Variants in HERC3 observed in about 807,000 individuals in gnomAD.
HERC3 encodes the protein HECT and RLD domain containing E3 ubiquitin protein ligase 3.
A neutral mutation model predicts 129.9 loss-of-function variants in HERC3; 58 were observed. The ratio of observed to expected loss-of-function variants is 0.45; its 90% CI spans 0.36 to 0.56. HERC3 has a LOEUF of 0.56. Among genes scored for constraint, HERC3 ranks in the 20% least tolerant of loss-of-function variants. The pLI is 0.00. For synonymous variants in HERC3, 430 were observed against 451.0 expected (o/e 0.95, Z 0.59); for missense variants, 835 against 1,244.2 (o/e 0.67, Z 4.95).
Position 88,704,515 on chromosome 4 carries a change from T to A in HERC3, c.2849T>A (p.Ile950Asn). The A allele has an allele frequency of 1.2e-6, 2 of 1,603,028 alleles. No homozygotes were observed. Among genetic ancestry groups the A allele is most frequent in the Non-Finnish European group, 1.7e-6 (2 of 1,170,116 alleles). The change falls in exon 25 of 26, where the codon ATC becomes AAC. Residue 950 changes from isoleucine (I) to asparagine (N), a missense_variant. Physicochemically the swap from Ile to Asn is moderately radical, Grantham distance 149. Coordinates refer to ENST00000402738, the MANE Select transcript of HERC3 (RefSeq NM_014606.3). The stretch of plus-strand genomic sequence containing the variant: ...TTTCTCTTTTTTGGACAGACTGCCA[T>A]CTACAAGGGAGATTACTCGGCCACA... ...YNWEELEETA[I>N]YKGDYSATHP... is the part of the protein sequence containing the mutation.
At chr4:88,565,873 T>A in the HERC3 span, among the ~76,000 whole-genome samples, 1 of 152,200 alleles carries the variant, frequency 6.6e-6, no homozygotes, top group African/African-American at 2.4e-5. Context: ...CTGTCTTCCT[T>A]TTAGTGAAGG....
At chr4:88,611,009 AG>A (rs1208156938) in intron 3 of HERC3, among the ~76,000 whole-genome samples, 8 of 152,192 alleles carry the variant, frequency 5.3e-5, no homozygotes, top group Non-Finnish European at 1.0e-4. Flanking sequence ...ATCCCAAGCT[AG>A]AGGTGTGCCA....
At chr4:88,558,071 C>CAAAAAAAAAAAA in the HERC3 span, among the ~76,000 whole-genome samples, 15 of 39,136 alleles carry the variant, frequency 3.8e-4, no homozygotes, top group Non-Finnish European at 1.0e-3. Context: ...GACTCTGACT[C>CAAAAAAAAAAAA]AAAAAAAAAA....
At position 88,687,270 on chromosome 4, in the gene HERC3, A is replaced by G. The variant is rs768518816; in HGVS notation, c.2628A>G (p.Gly876=). The change falls in exon 23 of 26, where the codon GGA becomes GGG. Residue 876 remains glycine (G), a synonymous_variant. Coordinates refer to ENST00000402738, the MANE Select transcript of HERC3 (RefSeq NM_014606.3). The stretch of plus-strand genomic sequence containing the variant: ...AACAGAAGAAGCTGATACCTGGGGG[A>G]GATAATGTAACTGTGTGCAAGGATA... ...VIEQKKLIPG[G]DNVTVCKDNR... 1 of 1,612,612 alleles carries G rather than the reference A, an allele frequency of 6.2e-7. No homozygotes were observed. Among genetic ancestry groups the G allele is most frequent in the Admixed American group, 1.7e-5 (1 of 59,994 alleles).
chr4:88,702,001 C>A (rs1735363547), intron 23 of HERC3, among the ~76,000 whole-genome samples: 1 of 151,970 alleles, frequency 6.6e-6, no homozygotes, highest in South Asian at 2.1e-4. Flanking sequence ...TGCCATGTTG[C>A]CCAGGCTGGT....
chr4:88,618,784 C>CT (rs1725198732), intron 3 of HERC3, among the ~76,000 whole-genome samples: 1 of 152,240 alleles, frequency 6.6e-6, no homozygotes, highest in South Asian at 2.1e-4. Context: ...CATCTCCTTA[C>CT]TGCCACGCTT....
At chr4:88,645,991 T>C (rs1728649816) in intron 3 of HERC3, among the ~76,000 whole-genome samples, 1 of 152,228 alleles carries the variant, frequency 6.6e-6, no homozygotes, top group African/African-American at 2.4e-5. Flanking sequence ...TGTAGGTTAC[T>C]TTTACCAATT....
At chr4:88,525,185 C>T in the HERC3 span, among the ~76,000 whole-genome samples, 529 of 152,318 alleles carry the variant, frequency 3.5e-3, 3 homozygotes, top group African/African-American at 0.012. Flanking sequence ...TTCCTTCCCT[C>T]ACAAAGCAAT....
the HERC3 span, among the ~76,000 whole-genome samples, chr4:88,572,651 T>C: frequency 6.6e-6 from 1 of 150,868 alleles, no homozygotes; most frequent in East Asian, 2.0e-4. Context: ...TCTACTAAAA[T>C]ATAAAAAATT....
At chr4:88,684,098 G>C (rs1029234268) in intron 21 of HERC3, among the ~76,000 whole-genome samples, 2 of 152,056 alleles carry the variant, frequency 1.3e-5, no homozygotes, top group African/African-American at 4.8e-5. Context: ...TTGACTTTCT[G>C]TTCAGAATTA....
intron 9 of HERC3, 106 bp from the exon 10 acceptor site, chr4:88,658,309 A>G: frequency 1.8e-6 from 1 of 554,648 alleles, no homozygotes; most frequent in Non-Finnish European, 3.2e-6. Context: ...CACAATTAAA[A>G]TGGATAGGTA....
chr4:88,663,494 A>G (rs1730720170), intron 11 of HERC3, among the ~76,000 whole-genome samples: 1 of 152,204 alleles, frequency 6.6e-6, no homozygotes, highest in Admixed American at 6.5e-5. Flanking sequence ...CATGATCTTT[A>G]AAGATCTTTC....
the HERC3 span, among the ~76,000 whole-genome samples, chr4:88,580,215 G>A: frequency 1.3e-5 from 2 of 152,168 alleles, no homozygotes; most frequent in Non-Finnish European, 2.9e-5. Context: ...TCTGAACCTG[G>A]ATTATGAAGG....
intron 3 of HERC3, among the ~76,000 whole-genome samples, chr4:88,628,145 G>A (rs1448754094): frequency 6.6e-6 from 1 of 152,102 alleles, no homozygotes; most frequent in Non-Finnish European, 1.5e-5. Flanking sequence ...TGAGTGAGTA[G>A]TAGTAAAATT....
intron 3 of HERC3, among the ~76,000 whole-genome samples, chr4:88,609,871 C>T (rs1413167470): frequency 6.6e-6 from 1 of 152,170 alleles, no homozygotes; most frequent in Non-Finnish European, 1.5e-5. Flanking sequence ...CTGAAGTCTG[C>T]TGATTGCATA....
At chr4:88,617,600 A>G (rs1725051844) in intron 3 of HERC3, among the ~76,000 whole-genome samples, 1 of 152,188 alleles carries the variant, frequency 6.6e-6, no homozygotes, top group Non-Finnish European at 1.5e-5. Flanking sequence ...GGCTGGGTGC[A>G]GTGGCTCACG....
At chr4:88,528,647 A>C in the HERC3 span, among the ~76,000 whole-genome samples, 80 of 152,282 alleles carry the variant, frequency 5.3e-4, no homozygotes, top group South Asian at 0.016. Flanking sequence ...TCTTTGACGA[A>C]GAGTGGTGGC....
intron 15 of HERC3, 23 bp from the exon 16 acceptor site, chr4:88,670,116 G>A: frequency 1.2e-6 from 2 of 1,603,370 alleles, no homozygotes; most frequent in Non-Finnish European, 8.5e-7. Context: ...TGTTTCAGTT[G>A]TCTGTATTTT....
chr4:88,606,345 A>C (rs1215527905), intron 3 of HERC3, among the ~76,000 whole-genome samples: 1 of 148,824 alleles, frequency 6.7e-6, no homozygotes, highest in Non-Finnish European at 1.5e-5. Flanking sequence ...TCCACCTCCC[A>C]GGTTCAGGCA....
Sources: allele counts gnomAD v4.1 joint callset (sites outside exome capture counted in the v4.1 genomes callset), GRCh38; gene constraint gnomAD v4.1.1; transcripts MANE v1.5; gene names NCBI Gene and HGNC (gene_info 2026-07-23, HGNC 2026-07-21).